NOS1AP: variants seen among roughly 807,000 people sequenced by gnomAD.
NOS1AP encodes the protein carboxyl-terminal PDZ ligand of neuronal nitric oxide synthase protein.
Under a neutral mutation model 56.2 loss-of-function variants are expected in NOS1AP, and 21 were observed. The ratio of observed to expected loss-of-function variants is 0.37; its 90% CI spans 0.26 to 0.54. The LOEUF (loss-of-function observed/expected upper bound fraction) is 0.54. NOS1AP is among the 20% of genes least tolerant of loss of function. The pLI is 0.84. For missense variants in NOS1AP, 522 were observed against 657.8 expected (o/e 0.79, Z 2.26); for synonymous variants, 270 against 274.6 (o/e 0.98, Z 0.17).
chr1:162,321,564 T>G (rs1656412912), intron 4 of NOS1AP, among the ~76,000 whole-genome samples: 1 of 151,652 alleles, frequency 6.6e-6, no homozygotes, highest in Non-Finnish European at 1.5e-5. Flanking sequence ...CACCAGGGCC[T>G]GTTGTGGGGT....
chr1:162,298,036 G>A (rs1347914958), intron 3 of NOS1AP, among the ~76,000 whole-genome samples: 1 of 152,212 alleles, frequency 6.6e-6, no homozygotes, highest in Admixed American at 6.5e-5. Flanking sequence ...CCAAAGAGGA[G>A]AAAAGGGGCA....
rs3065060 is a variant in NOS1AP at position 162,368,438 on chromosome 1, C to CAAAAAAAA, written c.*977_*984dup. On this transcript the variant is annotated 3_prime_UTR_variant, in exon 10 of 10. Coordinates refer to ENST00000361897, the MANE Select transcript of NOS1AP (RefSeq NM_014697.3). ...GGGCAGTGGTGGTCAGTTTTTACTG[C>CAAAAAAAA]AAAAAAAAAAAAAGAAAAAAGAGAA... The CAAAAAAAA allele has an allele frequency of 5.2e-3, 753 of 145,684 alleles. 10 individuals are homozygous for CAAAAAAAA. Among genetic ancestry groups the CAAAAAAAA allele is most frequent in the African/African-American group, 0.019 (720 of 38,434 alleles). The allele number at this position is 145,684 out of a possible 1,614,324, so 9.0% of individuals were successfully genotyped here.
chr1:162,158,184 C>T (rs1650049294), intron 2 of NOS1AP, among the ~76,000 whole-genome samples: 1 of 152,160 alleles, frequency 6.6e-6, no homozygotes, highest in African/African-American at 2.4e-5. Context: ...TTGGGAACTA[C>T]CTTTCTACTC....
At chr1:162,238,590 TTTG>T (rs1296391748) in intron 2 of NOS1AP, among the ~76,000 whole-genome samples, 2 of 152,182 alleles carry the variant, frequency 1.3e-5, no homozygotes, top group Non-Finnish European at 2.9e-5. Flanking sequence ...ACCAGTTATA[TTTG>T]TTGTTGTAAT....
chr1:162,070,289 G>T lies in NOS1AP; in HGVS notation c.105+7G>T, dbSNP rs757850086. The T allele has an allele frequency of 1.2e-6, 2 of 1,606,084 alleles. No individual in the cohort carries two copies. The highest frequency in any genetic ancestry group is 1.7e-6 in the Non-Finnish European group (2 of 1,173,150). On this transcript the variant is annotated splice_region_variant and intron_variant, in intron 1 of 9. Coordinates refer to ENST00000361897, the MANE Select transcript of NOS1AP (RefSeq NM_014697.3). ...CATCTGCTTTGAGGCCAAGGTGAGG[G>T]GGCTCCGGGGAGGGTGCTACCTGTG...
intron 4 of NOS1AP, among the ~76,000 whole-genome samples, chr1:162,313,479 C>A (rs1656118881): frequency 6.6e-6 from 1 of 152,186 alleles, no homozygotes. Flanking sequence ...ATATCAAGAG[C>A]TGCCTCCCAC....
chr1:162,129,208 C>G (rs1417632517), intron 1 of NOS1AP, among the ~76,000 whole-genome samples: 1 of 152,134 alleles, frequency 6.6e-6, no homozygotes, highest in East Asian at 1.9e-4. Flanking sequence ...TTCTAGCCCT[C>G]TGTGATCTGT....
At chr1:162,133,948 G>A (rs1648868668) in intron 1 of NOS1AP, among the ~76,000 whole-genome samples, 1 of 152,176 alleles carries the variant, frequency 6.6e-6, no homozygotes, top group Non-Finnish European at 1.5e-5. Flanking sequence ...TCCAGTTCCT[G>A]CCCCATGAAC....
In NOS1AP at chr1:162,090,976, G is replaced by A. The variant is rs146975726; in HGVS notation, c.105+20694G>A. On this transcript the variant is annotated intron_variant, in intron 1 of 9. Coordinates refer to ENST00000361897, the MANE Select transcript of NOS1AP (RefSeq NM_014697.3). ...TTACTTTTCTGTTGTTAATTTTTAT[G>A]TAAACTTAGTTTTCCTGAATTTTAA... 9.3e-3 allele frequency among the ~76,000 whole-genome samples: 1,407 copies of A among 152,078 alleles called. 13 individuals carry two copies. The highest frequency in any genetic ancestry group is 0.017 in the Middle Eastern group (5 of 294).
At chr1:162,351,979 G>A (rs536246901) in intron 6 of NOS1AP, among the ~76,000 whole-genome samples, 10 of 152,182 alleles carry the variant, frequency 6.6e-5, no homozygotes, top group Non-Finnish European at 1.5e-4. Flanking sequence ...CACCTTTGCA[G>A]CTTCTGGGGC....
At chr1:162,348,898 C>T (rs541166431) in intron 6 of NOS1AP, among the ~76,000 whole-genome samples, 2 of 152,290 alleles carry the variant, frequency 1.3e-5, no homozygotes, top group African/African-American at 2.4e-5. Flanking sequence ...TTAAGACCTT[C>T]AACTTTGCCG....
chr1:162,150,736 T>C (rs1315252477), intron 1 of NOS1AP, among the ~76,000 whole-genome samples: 1 of 152,234 alleles, frequency 6.6e-6, no homozygotes, highest in African/African-American at 2.4e-5. Context: ...TTTATGTACC[T>C]GTTTCCCATT....
At chr1:162,245,183 A>T (rs939305570) in intron 2 of NOS1AP, among the ~76,000 whole-genome samples, 2 of 152,238 alleles carry the variant, frequency 1.3e-5, no homozygotes, top group Non-Finnish European at 2.9e-5. Context: ...AAAAAAATTA[A>T]TAAGAAAACA....
At chr1:162,157,071 C>T (rs971167052) in intron 2 of NOS1AP, 5 of 154,650 alleles carry the variant, frequency 3.2e-5, no homozygotes, top group African/African-American at 4.8e-5. Flanking sequence ...GAAAACATCA[C>T]CTGGAAGCAA....
At chr1:162,151,035 C>A (rs774626557) in intron 1 of NOS1AP, among the ~76,000 whole-genome samples, 9 of 152,114 alleles carry the variant, frequency 5.9e-5, no homozygotes, top group Non-Finnish European at 1.2e-4. Context: ...AAATCTTTGC[C>A]CGGTCCAATG....
At chr1:162,144,391 GTT>G (rs1312105263) in intron 1 of NOS1AP, among the ~76,000 whole-genome samples, 2 of 152,164 alleles carry the variant, frequency 1.3e-5, no homozygotes, top group African/African-American at 4.8e-5. Flanking sequence ...AAAGTGAAGG[GTT>G]AGATCAAATC....
chr1:162,141,382 C>G (rs1295791342), intron 1 of NOS1AP, among the ~76,000 whole-genome samples: 2 of 152,320 alleles, frequency 1.3e-5, no homozygotes, highest in Non-Finnish European at 2.9e-5. Context: ...AGCCAGGATA[C>G]CTGGGTCATA....
At chr1:162,255,662 G>A (rs985258252) in intron 2 of NOS1AP, among the ~76,000 whole-genome samples, 1 of 151,968 alleles carries the variant, frequency 6.6e-6, no homozygotes, top group Non-Finnish European at 1.5e-5. Context: ...GATGGCCATG[G>A]AACCAGCAAG....
rs565448573 is a variant in NOS1AP at position 162,216,141 on chromosome 1, G to A, written c.177+61665G>A. Among the ~76,000 whole-genome samples the A allele has an allele frequency of 6.6e-4, 100 of 152,308 alleles. 2 individuals are homozygous for A. Among genetic ancestry groups the A allele is most frequent in the African/African-American group, 1.9e-3 (79 of 41,564 alleles). ...TCATCAGTCTTCTGAGTCCATTGAC[G>A]TTGATTTGCATTCCTTTGCCTTCTC... On this transcript the variant is annotated intron_variant, in intron 2 of 9. Coordinates refer to ENST00000361897, the MANE Select transcript of NOS1AP (RefSeq NM_014697.3).
Sources: allele counts gnomAD v4.1 joint callset (sites outside exome capture counted in the v4.1 genomes callset), GRCh38; gene constraint gnomAD v4.1.1; transcripts MANE v1.5; gene names NCBI Gene and HGNC (gene_info 2026-07-23, HGNC 2026-07-21).